Variants in RAB6B observed in about 807,000 individuals in gnomAD.
The protein encoded by RAB6B is ras-related protein Rab-6B.
In RAB6B, 7 loss-of-function variants were observed where a neutral mutation model predicts 31.2. That is an observed-to-expected ratio of 0.22 (90% CI 0.13 to 0.42). The LOEUF (loss-of-function observed/expected upper bound fraction) is 0.42, where lower values mean the gene tolerates loss of function less well. Among genes scored for constraint, RAB6B ranks in the 10% least tolerant of loss-of-function variants. The pLI, the probability that RAB6B is intolerant of heterozygous loss-of-function variation, is 1.00. For missense variants in RAB6B, 149 were observed against 280.6 expected (o/e 0.53, Z 3.35); for synonymous variants, 105 against 104.9 (o/e 1.00, Z -0.01).
intron 7 of RAB6B, among the ~76,000 whole-genome samples, chr3:133,833,650 T>A (rs1416487795): frequency 6.6e-6 from 1 of 152,198 alleles, no homozygotes; most frequent in African/African-American, 2.4e-5. Context: ...TGCCCTTCCA[T>A]CTTCCCAGGG....
In RAB6B at chr3:133,895,778, G is replaced by C. The variant is rs1576414311; in HGVS notation, c.-312C>G. 1.4e-5 allele frequency: 5 copies of C among 362,052 alleles called. No individual in the cohort carries two copies. In the South Asian group the frequency reaches 3.8e-4, roughly 27 times the overall value. The allele number at this position is 362,052 out of a possible 1,614,324, so 22.4% of individuals were successfully genotyped here. On this transcript the variant is annotated 5_prime_UTR_variant, in exon 1 of 8. Coordinates refer to ENST00000285208, the MANE Select transcript of RAB6B (RefSeq NM_016577.4). ...GCGCGGCGCTGGGAGAGAGGCGCGG[G>C]CGGAGCGGGGCGCAGGGACGGCGCG...
intron 2 of RAB6B, among the ~76,000 whole-genome samples, chr3:133,850,431 T>C (rs1028763106): frequency 5.9e-5 from 9 of 152,198 alleles, no homozygotes. Context: ...CATATAACTA[T>C]GCTCAAATAT....
intron 2 of RAB6B, among the ~76,000 whole-genome samples, chr3:133,855,553 T>C (rs1467252615): frequency 6.6e-6 from 1 of 152,248 alleles, no homozygotes; most frequent in Non-Finnish European, 1.5e-5. Context: ...CTACCCATAA[T>C]GTGCAAGGTC....
Position 133,852,545 on chromosome 3 carries a change from C to T in RAB6B, c.130-10882G>A, listed in dbSNP as rs139205959. ...GAGTGCAGTGGCATGAACACAGATC[C>T]CTGTAGCCTCGACCTCCTTGGCACA... On this transcript the variant is annotated intron_variant, in intron 2 of 7. Transcript: ENST00000285208. Among the ~76,000 whole-genome samples the T allele has an allele frequency of 2.3e-3, 348 of 151,574 alleles. 3 individuals are homozygous for T. The highest frequency in any genetic ancestry group is 8.0e-3 in the African/African-American group (330 of 41,294).
chr3:133,848,802 A>G (rs924765764), intron 2 of RAB6B, among the ~76,000 whole-genome samples: 1 of 151,390 alleles, frequency 6.6e-6, no homozygotes, highest in African/African-American at 2.4e-5. Flanking sequence ...ACCTCTTAAT[A>G]CCGTCACAAT....
chr3:133,895,406 C>T lies in RAB6B; in HGVS notation c.61G>A (p.Glu21Lys), dbSNP rs1226875280. Residue 21 changes from glutamate (E) to lysine (K), a missense_variant, in exon 1 of 8, where the codon GAG (glutamate) becomes AAG (lysine). Transcript: ENST00000285208. ...TAAGCCGGGTACTTACCGCTCTGCT[C>T]CCCCAAGAACACCAACTTGAATTTT... ...LRKFKLVFLGEQSVGKTSLIT... is the reference protein window; with the variant it reads ...LRKFKLVFLGKQSVGKTSLIT... The T allele has an allele frequency of 6.2e-7, 1 of 1,611,814 alleles. No homozygotes were observed. The highest frequency in any genetic ancestry group is 2.2e-5 in the East Asian group (1 of 44,736).
intron 4 of RAB6B, among the ~76,000 whole-genome samples, chr3:133,840,911 G>A (rs1935816457): frequency 6.6e-6 from 1 of 152,192 alleles, no homozygotes; most frequent in Non-Finnish European, 1.5e-5. Context: ...CTCCCATGGT[G>A]ACACACATAT....
At chr3:133,845,614 T>C (rs1935898413) in intron 2 of RAB6B, among the ~76,000 whole-genome samples, 1 of 152,246 alleles carries the variant, frequency 6.6e-6, no homozygotes, top group Non-Finnish European at 1.5e-5. Flanking sequence ...ACATGATAAC[T>C]AACCATTCCC....
intron 1 of RAB6B, among the ~76,000 whole-genome samples, chr3:133,874,288 C>T (rs950163771): frequency 6.6e-6 from 1 of 152,190 alleles, no homozygotes; most frequent in Admixed American, 6.5e-5. Flanking sequence ...GTAGTGCAAA[C>T]ATCATAAAGT....
chr3:133,852,821 G>A (rs574185284), intron 2 of RAB6B, among the ~76,000 whole-genome samples: 10 of 152,206 alleles, frequency 6.6e-5, no homozygotes, highest in African/African-American at 2.2e-4. Context: ...GCCTTACTGC[G>A]TGACCTTGTT....
At chr3:133,847,607 A>G (rs1426891120) in intron 2 of RAB6B, among the ~76,000 whole-genome samples, 1 of 152,140 alleles carries the variant, frequency 6.6e-6, no homozygotes, top group Non-Finnish European at 1.5e-5. Context: ...CCTCTTCTCA[A>G]TGGGCTTGCT....
At chr3:133,836,313 G>A (rs1241235439) in intron 6 of RAB6B, among the ~76,000 whole-genome samples, 2 of 152,146 alleles carry the variant, frequency 1.3e-5, no homozygotes, top group Non-Finnish European at 2.9e-5. Flanking sequence ...GCCCTGGGCG[G>A]CTCTGATCTG....
chr3:133,893,409 G>A (rs1024163418), intron 1 of RAB6B, among the ~76,000 whole-genome samples: 2 of 152,302 alleles, frequency 1.3e-5, no homozygotes, highest in Middle Eastern at 3.4e-3. Flanking sequence ...GGGAGAGGTG[G>A]TGGGTTCATT....
rs1170498614 is a variant in RAB6B, at chr3:133,827,739, A to G, written c.*1049T>C. ...GGATCTTTCAAGGTGGTGGTTCTGC[A>G]GACAACACCCCCCCCCCCCCCCGCC... On this transcript the variant is annotated 3_prime_UTR_variant, in exon 8 of 8. Transcript: ENST00000285208. 1.0e-5 allele frequency: 4 copies of G among 383,662 alleles called. No homozygotes were observed. Among genetic ancestry groups the G allele is most frequent in the Admixed American group, 3.4e-5 (1 of 29,144 alleles). 23.8% of individuals were successfully genotyped at this position (383,662 alleles called of 1,614,324 possible).
At chr3:133,838,955 T>C (rs1208615616) in intron 5 of RAB6B, among the ~76,000 whole-genome samples, 1 of 152,134 alleles carries the variant, frequency 6.6e-6, no homozygotes, top group African/African-American at 2.4e-5. Context: ...GCACCTCAGT[T>C]CTCCCTGTGC....
Position 133,889,427 on chromosome 3 carries a change from T to C in RAB6B, c.70+5970A>G, listed in dbSNP as rs868341240. ...ATATATATATATATATATATATATA[T>C]ATATATATATATATATATTTATTTT... On this transcript the variant is annotated intron_variant, in intron 1 of 7. Transcript: ENST00000285208. Among the ~76,000 whole-genome samples, 432 of 69,658 alleles carry C rather than the reference T, an allele frequency of 6.2e-3. 2 individuals are homozygous for C. The highest frequency in any genetic ancestry group is 0.011 in the Non-Finnish European group (359 of 34,122). The allele number at this position is 69,658 out of a possible 152,430, so 45.7% of individuals were successfully genotyped here.
intron 1 of RAB6B, among the ~76,000 whole-genome samples, chr3:133,884,701 C>G (rs1936515098): frequency 6.6e-6 from 1 of 151,274 alleles, no homozygotes; most frequent in Non-Finnish European, 1.5e-5. Context: ...GCTCACACAC[C>G]CAGTGCCCAG....
chr3:133,828,203 A>G lies in RAB6B; in HGVS notation c.*585T>C. The G allele has an allele frequency of 1.7e-6, 1 of 573,654 alleles. No homozygotes were observed. Among genetic ancestry groups the G allele is most frequent in the Non-Finnish European group, 3.1e-6 (1 of 322,278 alleles). The allele number at this position is 573,654 out of a possible 1,614,324, so 35.5% of individuals were successfully genotyped here. ...CCCACTCTGGCCATGGAAAGACAAGAGTCAGAGCTACCTTTTCAGAGGCTG... is the reference window on the plus strand; with the variant it reads ...CCCACTCTGGCCATGGAAAGACAAGGGTCAGAGCTACCTTTTCAGAGGCTG... On this transcript the variant is annotated 3_prime_UTR_variant, in exon 8 of 8. Coordinates refer to ENST00000285208, the MANE Select transcript of RAB6B (RefSeq NM_016577.4).
intron 1 of RAB6B, among the ~76,000 whole-genome samples, chr3:133,891,830 A>C (rs1397760125): frequency 1.3e-5 from 2 of 152,216 alleles, no homozygotes; most frequent in East Asian, 3.9e-4. Flanking sequence ...TACCAGGGGC[A>C]GGGCAGGCAG....
Sources: allele counts gnomAD v4.1 joint callset (sites outside exome capture counted in the v4.1 genomes callset), GRCh38; gene constraint gnomAD v4.1.1; transcripts MANE v1.5; gene names NCBI Gene and HGNC (gene_info 2026-07-23, HGNC 2026-07-21).